ZNF763: variants seen among roughly 807,000 people sequenced by gnomAD.
ZNF763 encodes the protein DNA-binding protein.
In ZNF763, 33 loss-of-function variants were observed where a neutral mutation model predicts 38.0. That is an observed-to-expected ratio of 0.87 (90% CI 0.66 to 1.16). The LOEUF (loss-of-function observed/expected upper bound fraction) is 1.16, where lower values mean the gene tolerates loss of function less well. Ranked by LOEUF, ZNF763 falls within the 50% of genes most tolerant of loss-of-function variation. The pLI is 0.00. For synonymous variants in ZNF763, 155 were observed against 160.1 expected (o/e 0.97, Z 0.24); for missense variants, 423 against 469.1 (o/e 0.90, Z 0.91).
chr19:11,970,019 G>A (rs1452112938), intron 1 of ZNF763, among the ~76,000 whole-genome samples: 1 of 152,192 alleles, frequency 6.6e-6, no homozygotes, highest in Non-Finnish European at 1.5e-5. Flanking sequence ...GTGCCTTAGG[G>A]GAGTGGGACC....
chr19:11,970,669 G>T (rs28396304), intron 1 of ZNF763, among the ~76,000 whole-genome samples: 11,878 of 152,154 alleles, frequency 0.078, 823 homozygotes, highest in African/African-American at 0.19. Context: ...TCCAGAGCAG[G>T]TGCAGTGGCT....
rs1410921866 is a variant in ZNF763 at position 11,979,975 on chromosome 19, A to G, written c.*866A>G. 42 of 1,201,310 alleles carry G rather than the reference A, an allele frequency of 3.5e-5. No individual in the cohort carries two copies. Among genetic ancestry groups the G allele is most frequent in the Non-Finnish European group, 5.0e-5 (41 of 821,194 alleles). The allele number at this position is 1,201,310 out of a possible 1,614,324, so 74.4% of individuals were successfully genotyped here. A position where few individuals can be genotyped will look rare whatever the true frequency, so the allele number is the denominator to read the frequency against. ...CTGAAAAATCTTACACTGGAGAGAAACCCTATGAGTGTAAGCAATGTGGGA... is the reference window on the plus strand; with the variant it reads ...CTGAAAAATCTTACACTGGAGAGAAGCCCTATGAGTGTAAGCAATGTGGGA... On this transcript the variant is annotated 3_prime_UTR_variant, in exon 4 of 4. Coordinates refer to ENST00000358987, the MANE Select transcript of ZNF763 (RefSeq NM_001367172.2).
chr19:11,974,069 TTTTCTTTCTTTC>T (rs199661683), intron 1 of ZNF763, among the ~76,000 whole-genome samples: 3,197 of 114,696 alleles, frequency 0.028, 93 homozygotes, highest in East Asian at 0.075. Flanking sequence ...TCCTTCTTTC[TTTTCTTTCTTTC>T]TTTCTTTCTT....
intron 1 of ZNF763, among the ~76,000 whole-genome samples, chr19:11,968,507 G>T (rs1973285041): frequency 6.6e-6 from 1 of 152,162 alleles, no homozygotes; most frequent in African/African-American, 2.4e-5. Flanking sequence ...CTCCAAAAGT[G>T]CTGGGATTAT....
At position 11,979,900 on chromosome 19, in the gene ZNF763, A is replaced by G; in HGVS notation, c.*791A>G. The G allele has an allele frequency of 7.2e-7, 1 of 1,393,910 alleles. No homozygotes were observed. The highest frequency in any genetic ancestry group is 1.0e-6 in the Non-Finnish European group (1 of 988,850). 86.3% of individuals were successfully genotyped at this position (1,393,910 alleles called of 1,614,324 possible). On this transcript the variant is annotated 3_prime_UTR_variant, in exon 4 of 4. Coordinates refer to ENST00000358987, the MANE Select transcript of ZNF763 (RefSeq NM_001367172.2). ...TGCACTCTGTAGAAAGACCTTATAA[A>G]TGTAAGATATGTGGGAAAGGCTTTT...
Position 11,965,108 on chromosome 19 carries a change from G to A in ZNF763, c.-101G>A. On this transcript the variant is annotated 5_prime_UTR_variant, in exon 1 of 4. Coordinates refer to ENST00000358987, the MANE Select transcript of ZNF763 (RefSeq NM_001367172.2). The stretch of plus-strand genomic sequence containing the variant: ...CTGTATCCATCCCCGAGAGGGACCT[G>A]GTACCTCTACCCAGGTTTCTATCGC... The A allele has an allele frequency of 6.5e-7, 1 of 1,534,338 alleles. No homozygotes were observed. Among genetic ancestry groups the A allele is most frequent in the South Asian group, 1.1e-5 (1 of 89,136 alleles).
intron 1 of ZNF763, among the ~76,000 whole-genome samples, chr19:11,974,071 TTC>T (rs1491373833): frequency 2.1e-4 from 13 of 61,146 alleles, no homozygotes; most frequent in Admixed American, 1.7e-3. Context: ...CTTCTTTCTT[TTC>T]TTTCTTTCTT....
Position 11,980,295 on chromosome 19 carries a change from C to G in ZNF763, c.*1186C>G, listed in dbSNP as rs141233172. 106 of 265,916 alleles carry G rather than the reference C, an allele frequency of 4.0e-4. No homozygotes were observed. The East Asian group carries it at 0.012, about 30-fold the overall frequency. 16.5% of individuals were successfully genotyped at this position (265,916 alleles called of 1,614,324 possible). A position where few individuals can be genotyped will look rare whatever the true frequency, so the allele number is the denominator to read the frequency against. On this transcript the variant is annotated 3_prime_UTR_variant, in exon 4 of 4. Transcript: ENST00000358987. ...AGTTGGGAGGCTGGCACAGGAGAAT[C>G]GCTTGAATCTGGGGGGCAGAGGTTG...
chr19:11,980,207 CCT>C lies in ZNF763; in HGVS notation c.*1099_*1100del, dbSNP rs1973590592. On this transcript the variant is annotated 3_prime_UTR_variant, in exon 4 of 4. Transcript: ENST00000358987. ...CTGGCCTGATCAATATGATGAAACCCCTGTCTCTACTAAAACTACAAAAATTG... is the reference window on the plus strand; with the variant it reads ...CTGGCCTGATCAATATGATGAAACCCGTCTCTACTAAAACTACAAAAATTG... 1 of 451,532 alleles carries C rather than the reference CCT, an allele frequency of 2.2e-6. No homozygotes were observed. The highest frequency in any genetic ancestry group is 2.2e-5 in the South Asian group (1 of 45,954). 28.0% of individuals were successfully genotyped at this position (451,532 alleles called of 1,614,324 possible).
intron 2 of ZNF763, 77 bp downstream of exon 2, chr19:11,977,241 T>C: frequency 6.2e-7 from 1 of 1,606,388 alleles, no homozygotes; most frequent in Non-Finnish European, 8.5e-7. Context: ...TTGAGTCATT[T>C]GGAACATAGA....
intron 1 of ZNF763, among the ~76,000 whole-genome samples, chr19:11,968,467 C>T (rs78487414): frequency 0.02 from 2,979 of 152,202 alleles, 73 homozygotes; most frequent in African/African-American, 0.059. Flanking sequence ...GTCTCTTGCT[C>T]CTGGCCTCAA....
chr19:11,968,705 A>G (rs1168657812), intron 1 of ZNF763, among the ~76,000 whole-genome samples: 2 of 152,136 alleles, frequency 1.3e-5, no homozygotes, highest in Non-Finnish European at 2.9e-5. Flanking sequence ...TAAGAGGGAA[A>G]TTAGTGTACT....
chr19:11,978,671 T>C lies in ZNF763; in HGVS notation c.747T>C (p.Thr249=). ...CTACCCATCGAATACATGAAAGAAC[T>C]CACACTGGAGAAAAGCCTTATGAAT... ...YSATHRIHER[T]HTGEKPYECQ... Residue 249 remains threonine, a synonymous_variant, in exon 4 of 4, where the codon ACT becomes ACC. Transcript: ENST00000358987. The C allele has an allele frequency of 3.1e-6, 5 of 1,614,112 alleles. No individual in the cohort carries two copies. Among genetic ancestry groups the C allele is most frequent in the Non-Finnish European group, 4.2e-6 (5 of 1,180,000 alleles).
At chr19:11,965,641 T>C (rs1229300195) in intron 1 of ZNF763, among the ~76,000 whole-genome samples, 1 of 152,222 alleles carries the variant, frequency 6.6e-6, no homozygotes, top group Non-Finnish European at 1.5e-5. Context: ...AAGAGTTCAT[T>C]TGAGCAAACA....
At position 11,979,087 on chromosome 19, in the gene ZNF763, C is replaced by G. The variant is rs376889281; in HGVS notation, c.1163C>G (p.Ala388Gly). 6.2e-7 allele frequency: 1 copy of G among 1,614,028 alleles called. No homozygotes were observed. Among genetic ancestry groups the G allele is most frequent in the Middle Eastern group, 1.6e-4 (1 of 6,062 alleles). Residue 388 changes from alanine to glycine, a missense_variant, in exon 4 of 4, where the codon GCG (alanine) becomes GGG (glycine). Transcript: ENST00000358987. ...SYKFSNTPKN[A>G]LWRKTL ...AAGTTTTCAAACACACCTAAGAATGCGCTCTGGAGAAAGACCTTATAAATG... is the reference window on the plus strand; with the variant it reads ...AAGTTTTCAAACACACCTAAGAATGGGCTCTGGAGAAAGACCTTATAAATG...
At chr19:11,966,857 A>G (rs1315703477) in intron 1 of ZNF763, among the ~76,000 whole-genome samples, 1 of 152,164 alleles carries the variant, frequency 6.6e-6, no homozygotes. Flanking sequence ...AAAGATAGCA[A>G]TGGCCCAAAC....
At chr19:11,974,123 TTC>T in intron 1 of ZNF763, among the ~76,000 whole-genome samples, 1 of 64,684 alleles carries the variant, frequency 1.5e-5, no homozygotes, top group South Asian at 4.7e-4. Context: ...CTTTCTTTCT[TTC>T]TTTTCTTTCT....
In ZNF763 at chr19:11,978,687, C is replaced by T. The variant is rs1474807077; in HGVS notation, c.763C>T (p.Pro255Ser). 2.5e-6 allele frequency: 4 copies of T among 1,614,158 alleles called. No individual in the cohort carries two copies. Among genetic ancestry groups the T allele is most frequent in the Non-Finnish European group, 3.4e-6 (4 of 1,180,026 alleles). The change falls in exon 4 of 4, where the codon CCT becomes TCT. Residue 255 changes from proline (P) to serine (S), a missense_variant. Pro to Ser is a moderately conservative substitution (Grantham distance 74). Transcript: ENST00000358987. The part of the protein sequence containing the change: ...IHERTHTGEK[P>S]YECQQCGKAF... Reference sequence around the variant, plus strand: ...TGAAAGAACTCACACTGGAGAAAAGCCTTATGAATGTCAGCAATGTGGGAA... The same window carrying T: ...TGAAAGAACTCACACTGGAGAAAAGTCTTATGAATGTCAGCAATGTGGGAA...
chr19:11,965,479 C>T (rs1973207496), intron 1 of ZNF763, among the ~76,000 whole-genome samples: 1 of 152,244 alleles, frequency 6.6e-6, no homozygotes, highest in African/African-American at 2.4e-5. Flanking sequence ...CGCAGCCCCG[C>T]GTCTCCCCAG....
Sources: allele counts gnomAD v4.1 joint callset (sites outside exome capture counted in the v4.1 genomes callset), GRCh38; gene constraint gnomAD v4.1.1; transcripts MANE v1.5; gene names NCBI Gene and HGNC (gene_info 2026-07-23, HGNC 2026-07-21).